CERT1: variants seen among roughly 807,000 people sequenced by gnomAD.
The protein encoded by CERT1 is ceramide transporter 1, also known as ceramide transfer protein.
CERT1 carries 31 observed loss-of-function variants against 87.9 expected under a neutral mutation model. The observed-to-expected ratio is 0.35, with a 90% CI of 0.27 to 0.48. CERT1 has a LOEUF of 0.48. CERT1 is among the 20% of genes least tolerant of loss of function. The pLI is 0.99. For missense variants in CERT1, 487 were observed against 758.0 expected (o/e 0.64, Z 4.20); for synonymous variants, 289 against 250.9 (o/e 1.15, Z -1.44).
chr5:75,385,689 T>C (rs1010157606), intron 13 of CERT1, among the ~76,000 whole-genome samples: 2 of 152,230 alleles, frequency 1.3e-5, no homozygotes, highest in East Asian at 1.9e-4. Context: ...CCTATCACTG[T>C]AGGATTACTG....
At chr5:75,390,279 CTT>C (rs1271776708) in intron 11 of CERT1, among the ~76,000 whole-genome samples, 1 of 152,146 alleles carries the variant, frequency 6.6e-6, no homozygotes, top group Admixed American at 6.5e-5. Flanking sequence ...ATAAACCTCT[CTT>C]TTATCATGGA....
chr5:75,410,920 T>A, intron 8 of CERT1, 91 bp downstream of exon 8: 1 of 599,824 alleles, frequency 1.7e-6, no homozygotes, highest in East Asian at 3.1e-5. Flanking sequence ...ATATTTAGAA[T>A]ATTTAAAGGT....
intron 2 of CERT1, among the ~76,000 whole-genome samples, chr5:75,467,379 C>T (rs181927290): frequency 4.6e-5 from 7 of 152,156 alleles, no homozygotes; most frequent in South Asian, 2.1e-4. Flanking sequence ...TGGTAGCTCA[C>T]GCCTGTAATC....
At chr5:75,504,370 G>A (rs1428951056) in intron 2 of CERT1, among the ~76,000 whole-genome samples, 1 of 152,104 alleles carries the variant, frequency 6.6e-6, no homozygotes, top group Non-Finnish European at 1.5e-5. Flanking sequence ...TAAGAATAGA[G>A]AGCGTAGTTT....
intron 3 of CERT1, among the ~76,000 whole-genome samples, chr5:75,457,954 TAAA>T (rs1765064969): frequency 3.7e-5 from 2 of 54,342 alleles, no homozygotes. Context: ...TTGTGCCTGT[TAAA>T]AATGTGTGTG....
chr5:75,399,235 T>C (rs1762373595), intron 11 of CERT1, 75 bp downstream of exon 11: 2 of 1,146,988 alleles, frequency 1.7e-6, no homozygotes, highest in Non-Finnish European at 2.6e-6. Flanking sequence ...AACCAAAAGA[T>C]TTCTAGGAAC....
rs1012873977 is a variant in CERT1 at position 75,385,973 on chromosome 5, G to A, written c.1346C>T (p.Ala449Val). The A allele has an allele frequency of 1.3e-6, 2 of 1,596,858 alleles. No individual in the cohort carries two copies. Among genetic ancestry groups the A allele is most frequent in the Admixed American group, 1.7e-5 (1 of 58,372 alleles). The stretch of plus-strand genomic sequence containing the variant: ...TTCATGTCCTGTGACGCCTTTAACT[G>A]CATGGGTAGCTTTTAAAGGATCCAG... ...IVLDPLKATHAVKGVTGHEVC... is the reference protein window; with the variant it reads ...IVLDPLKATHVVKGVTGHEVC... The change falls in exon 13 of 17, where the codon GCA becomes GTA. Residue 449 changes from alanine (A) to valine (V), a missense_variant. Physicochemically the swap from Ala to Val is moderately conservative, Grantham distance 64. This residue lies in a region of CERT1 where 147 missense variants were observed against 200.8 expected (regional missense o/e 0.73). Coordinates refer to ENST00000643780, the MANE Select transcript of CERT1 (RefSeq NM_001379029.1).
chr5:75,469,078 T>C (rs1204795449), intron 2 of CERT1, among the ~76,000 whole-genome samples: 2 of 151,120 alleles, frequency 1.3e-5, no homozygotes, highest in African/African-American at 2.4e-5. Flanking sequence ...ATGAGGAAAA[T>C]AGCAAATGAC....
intron 2 of CERT1, among the ~76,000 whole-genome samples, chr5:75,504,710 C>T (rs1400812888): frequency 6.6e-6 from 1 of 151,210 alleles, no homozygotes; most frequent in Non-Finnish European, 1.5e-5. Flanking sequence ...ACAACAGCTC[C>T]CTTAACTGAC....
intron 3 of CERT1, among the ~76,000 whole-genome samples, chr5:75,454,121 C>T (rs575460937): frequency 1.3e-5 from 2 of 152,192 alleles, no homozygotes; most frequent in South Asian, 2.1e-4. Flanking sequence ...CCAGGCTAAC[C>T]GCAAAGTATA....
At position 75,511,392 on chromosome 5, in the gene CERT1, G is replaced by A. The variant is rs1472741451; in HGVS notation, c.-185C>T. 3.9e-6 allele frequency: 6 copies of A among 1,546,494 alleles called. No homozygotes were observed. In the African/African-American group the frequency reaches 6.8e-5, roughly 18 times the overall value. On this transcript the variant is annotated 5_prime_UTR_variant, in exon 1 of 17. Transcript: ENST00000643780. ...CCGCCGCCGCGCCTGACACCGAGCG[G>A]AGCGAGGAAGGAGGACGAGCGGTGA...
At chr5:75,390,414 AG>A (rs1044784041) in intron 11 of CERT1, among the ~76,000 whole-genome samples, 2 of 152,094 alleles carry the variant, frequency 1.3e-5, no homozygotes. Flanking sequence ...ATCACCTTTT[AG>A]TTCATTCTTT....
At chr5:75,487,986 T>A (rs1766603265) in intron 2 of CERT1, among the ~76,000 whole-genome samples, 3 of 151,932 alleles carry the variant, frequency 2.0e-5, no homozygotes. Flanking sequence ...TCTTACTAAT[T>A]TGTGTGAGGT....
chr5:75,467,431 C>T (rs1484055209), intron 2 of CERT1, among the ~76,000 whole-genome samples: 1 of 151,940 alleles, frequency 6.6e-6, no homozygotes, highest in Non-Finnish European at 1.5e-5. Context: ...AGCTTGAGCT[C>T]AGGGTTCAAG....
intron 8 of CERT1, among the ~76,000 whole-genome samples, chr5:75,407,593 G>A (rs1306285695): frequency 3.3e-5 from 5 of 151,482 alleles, no homozygotes; most frequent in African/African-American, 7.3e-5. Flanking sequence ...CAAGTTAATC[G>A]TAAAAAAGAA....
chr5:75,458,628 C>T (rs1296824641), intron 3 of CERT1, among the ~76,000 whole-genome samples: 4 of 151,836 alleles, frequency 2.6e-5, no homozygotes, highest in East Asian at 3.9e-4. Flanking sequence ...CTTGGCTTAC[C>T]GCAACCTCTG....
At chr5:75,412,286 T>C (rs959116954) in intron 7 of CERT1, among the ~76,000 whole-genome samples, 13 of 152,228 alleles carry the variant, frequency 8.5e-5, no homozygotes, top group Non-Finnish European at 1.9e-4. Flanking sequence ...AAAGGGAATG[T>C]TAGTAATAAT....
chr5:75,400,290 C>T lies in CERT1; in HGVS notation c.1025G>A (p.Ser342Asn). ...AGGCCAATGTAATCTCACCTTTTCA[C>T]TCTGTGACTAAAAAAACATATAATA... The part of the protein sequence containing the change: ...RQDKIEEQSQ[S>N]EKVRLHWPTS... The change falls in exon 10 of 17, where the codon AGT becomes AAT. Residue 342 changes from serine to asparagine, a missense_variant. By Grantham distance (46) the Ser-to-Asn change is conservative. Around this residue, in one of 8 missense-constraint regions of CERT1, gnomAD observed 91 missense variants for 86.7 expected, o/e 1.05. Coordinates refer to ENST00000643780, the MANE Select transcript of CERT1 (RefSeq NM_001379029.1). The T allele has an allele frequency of 6.2e-7, 1 of 1,610,264 alleles. No individual in the cohort carries two copies. Among genetic ancestry groups the T allele is most frequent in the Non-Finnish European group, 8.5e-7 (1 of 1,176,880 alleles).
chr5:75,467,726 T>C (rs1250153364), intron 2 of CERT1, among the ~76,000 whole-genome samples: 1 of 151,880 alleles, frequency 6.6e-6, no homozygotes, highest in Non-Finnish European at 1.5e-5. Context: ...GTGATGATTG[T>C]TACAAGAATC....
Sources: allele counts gnomAD v4.1 joint callset (sites outside exome capture counted in the v4.1 genomes callset), GRCh38; gene constraint gnomAD v4.1.1; regional missense constraint gnomAD v4.1.1; transcripts MANE v1.5; gene names NCBI Gene and HGNC (gene_info 2026-07-23, HGNC 2026-07-21).